The following SERPING1 variants were observed in gnomAD, a reference collection of about 807,000 sequenced individuals.
SERPING1 encodes the protein plasma protease C1 inhibitor.
Under a neutral mutation model 34.1 loss-of-function variants are expected in SERPING1, and 5 were observed. The ratio of observed to expected loss-of-function variants is 0.15; its 90% CI spans 0.08 to 0.31. SERPING1 has a LOEUF of 0.31. Among genes scored for constraint, SERPING1 ranks in the 10% least tolerant of loss-of-function variants. The pLI is 1.00. For synonymous variants in SERPING1, 225 were observed against 242.4 expected (o/e 0.93, Z 0.67); for missense variants, 505 against 609.5 (o/e 0.83, Z 1.81).
intron 7 of SERPING1, among the ~76,000 whole-genome samples, chr11:57,613,024 G>A (rs1945498484): frequency 6.6e-6 from 1 of 152,230 alleles, no homozygotes; most frequent in African/African-American, 2.4e-5. Flanking sequence ...TGGGATTACA[G>A]GTGTGAGCCA....
rs879810971 is a variant in SERPING1, at chr11:57,614,174, C to G, written c.1250-154C>G. Among the ~76,000 whole-genome samples, 1 of 152,094 alleles carries G rather than the reference C, an allele frequency of 6.6e-6. No homozygotes were observed. The highest frequency in any genetic ancestry group is 1.5e-5 in the Non-Finnish European group (1 of 68,028). ...GCCCACTAATAGAGGATCCCACGAA[C>G]TGCCAGAGGGTACAGTATGTAATCT... On this transcript the variant is annotated intron_variant, in intron 7 of 7. Coordinates refer to ENST00000278407, the MANE Select transcript of SERPING1 (RefSeq NM_000062.3).
Position 57,602,037 on chromosome 11 carries a change from G to A in SERPING1, c.553G>A (p.Ala185Thr), listed in dbSNP as rs1335168882. 1.2e-6 allele frequency: 2 copies of A among 1,614,002 alleles called. No individual in the cohort carries two copies. The highest frequency in any genetic ancestry group is 1.7e-6 in the Non-Finnish European group (2 of 1,180,042). The change falls in exon 4 of 8, where the codon GCT becomes ACT. Residue 185 changes from alanine to threonine, a missense_variant and splice_region_variant. Ala to Thr is a moderately conservative substitution (Grantham distance 58). Coordinates refer to ENST00000278407, the MANE Select transcript of SERPING1 (RefSeq NM_000062.3). ...TTCATCTCTGCCCTTTGTTGCAGGGGCTGGGGAGAACACCAAAACAAACCT... is the reference window on the plus strand; with the variant it reads ...TTCATCTCTGCCCTTTGTTGCAGGGACTGGGGAGAACACCAAAACAAACCT... ...ASLLTQVLLG[A>T]GENTKTNLES...
intron 7 of SERPING1, among the ~76,000 whole-genome samples, chr11:57,613,317 C>G (rs948881906): frequency 6.6e-6 from 1 of 152,134 alleles, no homozygotes; most frequent in Non-Finnish European, 1.5e-5. Context: ...AGATCCCGTG[C>G]AGTTTAAGTG....
Position 57,608,816 on chromosome 11 carries a change from GT to G in SERPING1, c.1029+2285del, listed in dbSNP as rs368974252. On this transcript the variant is annotated intron_variant, in intron 6 of 7. Coordinates refer to ENST00000278407, the MANE Select transcript of SERPING1 (RefSeq NM_000062.3). ...GCGTGAGCCACTGCACCCAGCCTGA[GT>G]TTTTTTTTTTTTTTTAAGCCAAAGG... Among the ~76,000 whole-genome samples the G allele has an allele frequency of 2.4e-3, 333 of 139,844 alleles. 1 individual carries two copies. The highest frequency in any genetic ancestry group is 5.2e-3 in the African/African-American group (199 of 38,052). The allele number at this position is 139,844 out of a possible 152,430, so 91.7% of individuals were successfully genotyped here.
At position 57,598,300 on chromosome 11, in the gene SERPING1, CCTGCTG is replaced by C; in HGVS notation, c.40_45del (p.Leu14_Leu15del). ...CCTCCAGGCTGACCCTGCTGACCCT[CCTGCTG>C]CTGCTGCTGGCTGGGGTATGTGGTC... On this transcript the variant is annotated inframe_deletion, in exon 2 of 8. Transcript: ENST00000278407. The C allele has an allele frequency of 6.4e-7, 1 of 1,563,624 alleles. No individual in the cohort carries two copies. The highest frequency in any genetic ancestry group is 1.2e-5 in the South Asian group (1 of 85,308).
At chr11:57,610,145 T>C (rs562127186) in intron 6 of SERPING1, among the ~76,000 whole-genome samples, 3 of 152,372 alleles carry the variant, frequency 2.0e-5, no homozygotes, top group Non-Finnish European at 4.4e-5. Flanking sequence ...CAGAGTCTCT[T>C]AAAAATTACA....
intron 5 of SERPING1, 39 bp from the exon 6 acceptor site, chr11:57,606,369 T>C (rs971596474): frequency 1.2e-6 from 2 of 1,613,480 alleles, no homozygotes; most frequent in South Asian, 2.2e-5. Flanking sequence ...ATCCTTTTCC[T>C]ACCTGCATTA....
At chr11:57,613,189 T>A (rs1260848126) in intron 7 of SERPING1, among the ~76,000 whole-genome samples, 2 of 152,234 alleles carry the variant, frequency 1.3e-5, no homozygotes, top group East Asian at 3.8e-4. Flanking sequence ...CATTCAACAC[T>A]TCTGGCCACC....
chr11:57,598,160 T>G lies in SERPING1; in HGVS notation c.-22-89T>G, dbSNP rs28362943. On this transcript the variant is annotated intron_variant, in intron 1 of 7. Transcript: ENST00000278407. ...GAATTCGCTAAGAGGGACTGGGGCCTGAGACGGAATGGGGGCGGGCCCCGG... is the reference window on the plus strand; with the variant it reads ...GAATTCGCTAAGAGGGACTGGGGCCGGAGACGGAATGGGGGCGGGCCCCGG... The G allele has an allele frequency of 6.4e-4, 631 of 982,460 alleles. 3 individuals carry two copies. The African/African-American group carries it at 9.4e-3, about 15-fold the overall frequency. 60.9% of individuals were successfully genotyped at this position (982,460 alleles called of 1,614,324 possible).
intron 5 of SERPING1, 67 bp from the exon 6 acceptor site, chr11:57,606,341 G>T (rs748776464): frequency 6.2e-7 from 1 of 1,604,560 alleles, no homozygotes. Context: ...TTGCTAACAA[G>T]GCTTTTAGCT....
Position 57,599,959 on chromosome 11 carries a change from G to C in SERPING1, c.132G>C (p.Lys44Asn). The change falls in exon 3 of 8, where the codon AAG becomes AAC. Residue 44 changes from lysine to asparagine, a missense_variant. Transcript: ENST00000278407. ...GTTTGCAAGACAGAGGCGAAGGGAAGGTCGCAACAACAGTTATCTCCAAGA... is the reference window on the plus strand; with the variant it reads ...GTTTGCAAGACAGAGGCGAAGGGAACGTCGCAACAACAGTTATCTCCAAGA... ...PESLQDRGEG[K>N]VATTVISKML... The C allele has an allele frequency of 6.2e-7, 1 of 1,614,194 alleles. No homozygotes were observed.
chr11:57,605,568 T>C (rs1618480), intron 4 of SERPING1: 1 of 216,486 alleles, frequency 4.6e-6, no homozygotes, highest in East Asian at 1.1e-4. Flanking sequence ...CCTAGAAAAA[T>C]TATCTTTCAA....
chr11:57,605,984 G>A, intron 4 of SERPING1, 26 bp from the exon 5 acceptor site: 1 of 1,604,458 alleles, frequency 6.2e-7, no homozygotes, highest in Non-Finnish European at 8.5e-7. Flanking sequence ...CAGGACTCAT[G>A]CCTCCCTTTC....
chr11:57,602,003 CA>C (rs897122206), intron 3 of SERPING1, 31 bp from the exon 4 acceptor site: 5 of 1,613,852 alleles, frequency 3.1e-6, no homozygotes, highest in Non-Finnish European at 4.2e-6. Context: ...ACTCATCCTG[CA>C]AGTATCTTTC....
Position 57,600,157 on chromosome 11 carries a change from A to G in SERPING1, c.330A>G (p.Pro110=), listed in dbSNP as rs1371887844. ...CCACCCAACCAACTACCCAGCTCCC[A>G]ACAGATTCTCCTACCCAGCCCACTA... ...IQPTQPTTQL[P]TDSPTQPTTG... The change falls in exon 3 of 8, where the codon CCA becomes CCG. Residue 110 remains proline (P), a synonymous_variant. Coordinates refer to ENST00000278407, the MANE Select transcript of SERPING1 (RefSeq NM_000062.3). 1.2e-5 allele frequency: 17 copies of G among 1,465,890 alleles called. No individual in the cohort carries two copies. The highest frequency in any genetic ancestry group is 1.5e-5 in the Non-Finnish European group (16 of 1,096,726). 90.8% of individuals were successfully genotyped at this position (1,465,890 alleles called of 1,614,324 possible).
chr11:57,606,311 C>T, intron 5 of SERPING1, 97 bp from the exon 6 acceptor site: 1 of 1,595,130 alleles, frequency 6.3e-7, no homozygotes, highest in South Asian at 1.1e-5. Flanking sequence ...AATCGGATCT[C>T]AATGTCCCTG....
chr11:57,614,178 C>T, intron 7 of SERPING1, 150 bp from the exon 8 acceptor site: 1 of 1,029,744 alleles, frequency 9.7e-7, no homozygotes, highest in South Asian at 1.3e-5. Context: ...CACGAACTGC[C>T]AGAGGGTACA....
At chr11:57,609,404 C>T (rs1224022160) in intron 6 of SERPING1, among the ~76,000 whole-genome samples, 1 of 151,978 alleles carries the variant, frequency 6.6e-6, no homozygotes, top group African/African-American at 2.4e-5. Context: ...CATTGTGAAA[C>T]CCCATCTCCA....
chr11:57,598,353 G>C, intron 2 of SERPING1, 32 bp downstream of exon 2: 1 of 1,544,756 alleles, frequency 6.5e-7, no homozygotes, highest in South Asian at 1.2e-5. Context: ...GGGGGACGGG[G>C]GTGGAGACGG....
Sources: gnomAD v4.1 joint callset for allele counts (sites outside exome capture counted in the v4.1 genomes callset) on GRCh38, gnomAD v4.1.1 for gene constraint, MANE v1.5 for transcripts, NCBI Gene and HGNC (gene_info 2026-07-23, HGNC 2026-07-21) for gene names.